Variants in MEI4 observed in about 807,000 individuals in gnomAD.
MEI4 encodes the protein meiosis-specific protein MEI4.
A neutral mutation model predicts 31.4 loss-of-function variants in MEI4; 27 were observed. That is an observed-to-expected ratio of 0.86 (90% CI 0.63 to 1.19). The LOEUF is 1.19. Ranked by LOEUF, MEI4 falls within the 50% of genes most tolerant of loss-of-function variation. MEI4 has a pLI of 0.00. For synonymous variants in MEI4, 122 were observed against 145.4 expected (o/e 0.84, Z 1.16); for missense variants, 329 against 398.9 (o/e 0.82, Z 1.49).
chr6:77,668,462 A>G (rs1239821592), intron 1 of MEI4, among the ~76,000 whole-genome samples: 2 of 152,160 alleles, frequency 1.3e-5, no homozygotes, highest in African/African-American at 2.4e-5. Flanking sequence ...TATTTCTTCT[A>G]GTGGAAAGCT....
At chr6:77,788,041 T>G (rs1768795881) in intron 3 of MEI4, among the ~76,000 whole-genome samples, 1 of 152,168 alleles carries the variant, frequency 6.6e-6, no homozygotes, top group African/African-American at 2.4e-5. Flanking sequence ...GGATTCCCTC[T>G]TTTTCTATTG....
chr6:77,658,143 C>T (rs1013304268), intron 1 of MEI4, among the ~76,000 whole-genome samples: 2 of 152,098 alleles, frequency 1.3e-5, no homozygotes, highest in Admixed American at 6.5e-5. Context: ...GGTGGATTAT[C>T]GTTAGTTCTT....
intron 2 of MEI4, among the ~76,000 whole-genome samples, chr6:77,703,958 G>A (rs751491870): frequency 5.9e-5 from 9 of 152,190 alleles, no homozygotes; most frequent in Middle Eastern, 3.4e-3. Context: ...GAGTGCAAAT[G>A]GAAGGACAGC....
At position 77,767,388 on chromosome 6, in the gene MEI4, GAATA is replaced by G. The variant is rs550095694; in HGVS notation, c.768+5745_768+5748del. ...AGACTCCCTCAATAAATAAATAAAT[GAATA>G]AATAAATAAATAAATAAATAAGTCA... On this transcript the variant is annotated intron_variant, in intron 3 of 4. Transcript: ENST00000684080. Among the ~76,000 whole-genome samples, 257 of 148,932 alleles carry G rather than the reference GAATA, an allele frequency of 1.7e-3. 1 individual carries two copies. The highest frequency in any genetic ancestry group is 4.8e-3 in the African/African-American group (194 of 40,418).
intron 3 of MEI4, among the ~76,000 whole-genome samples, chr6:77,775,553 T>G (rs1768418643): frequency 6.6e-6 from 1 of 152,034 alleles, no homozygotes; most frequent in African/African-American, 2.4e-5. Flanking sequence ...CATGGTATAT[T>G]TATATACCAC....
At chr6:77,677,710 C>T (rs900773751) in intron 1 of MEI4, among the ~76,000 whole-genome samples, 3 of 152,016 alleles carry the variant, frequency 2.0e-5, no homozygotes, top group Non-Finnish European at 4.4e-5. Context: ...AGATCTGGGC[C>T]GTGAGCCTAT....
intron 4 of MEI4, among the ~76,000 whole-genome samples, chr6:77,904,158 T>G (rs1766243455): frequency 6.6e-6 from 1 of 152,152 alleles, no homozygotes; most frequent in African/African-American, 2.4e-5. Flanking sequence ...TACTTATTTT[T>G]CCCTAGTGTT....
intron 2 of MEI4, among the ~76,000 whole-genome samples, chr6:77,734,227 T>A (rs1767108001): frequency 6.6e-6 from 1 of 152,010 alleles, no homozygotes; most frequent in East Asian, 1.9e-4. Context: ...GACAGTGCGG[T>A]GTTAACATCT....
At chr6:77,747,047 C>T (rs1419045660) in intron 2 of MEI4, among the ~76,000 whole-genome samples, 2 of 152,118 alleles carry the variant, frequency 1.3e-5, no homozygotes, top group East Asian at 3.9e-4. Context: ...TGCGGTGGCT[C>T]ATGTCTGTAA....
chr6:77,668,290 CTT>C (rs538866977), intron 1 of MEI4, among the ~76,000 whole-genome samples: 4 of 152,174 alleles, frequency 2.6e-5, no homozygotes, highest in Non-Finnish European at 4.4e-5. Context: ...ACATTATACT[CTT>C]TTGCCTTCTA....
chr6:77,664,900 G>T (rs181617642), intron 1 of MEI4, among the ~76,000 whole-genome samples: 406 of 152,222 alleles, frequency 2.7e-3, no homozygotes, highest in African/African-American at 9.4e-3. Context: ...AAGCGGCATT[G>T]CAGAAGAAAA....
intron 2 of MEI4, among the ~76,000 whole-genome samples, chr6:77,705,994 T>C (rs1389517135): frequency 6.6e-6 from 1 of 152,166 alleles, no homozygotes; most frequent in Non-Finnish European, 1.5e-5. Flanking sequence ...TGCTTTGGTA[T>C]GCTGAGTACT....
At chr6:77,754,186 G>GCA (rs1463462426) in intron 2 of MEI4, among the ~76,000 whole-genome samples, 2 of 152,030 alleles carry the variant, frequency 1.3e-5, no homozygotes, top group East Asian at 3.9e-4. Context: ...AACCACCATG[G>GCA]CATGTGAATA....
At chr6:77,854,338 A>T (rs1258167893) in intron 4 of MEI4, among the ~76,000 whole-genome samples, 1 of 148,366 alleles carries the variant, frequency 6.7e-6, no homozygotes, top group Admixed American at 6.8e-5. Flanking sequence ...TAAAAAAAAC[A>T]AAACCAAAAC....
intron 4 of MEI4, among the ~76,000 whole-genome samples, chr6:77,903,649 G>A (rs564373254): frequency 6.6e-6 from 1 of 152,044 alleles, no homozygotes; most frequent in African/African-American, 2.4e-5. Context: ...TTTTACCATT[G>A]ATTATGATGT....
chr6:77,849,082 C>G (rs948857180), intron 4 of MEI4, among the ~76,000 whole-genome samples: 1 of 149,474 alleles, frequency 6.7e-6, no homozygotes, highest in Non-Finnish European at 1.5e-5. Flanking sequence ...TAGGGAAACA[C>G]AAAAGAAATA....
intron 4 of MEI4, among the ~76,000 whole-genome samples, chr6:77,914,034 G>GA (rs59888300): frequency 0.14 from 19,484 of 138,964 alleles, 1,671 homozygotes; most frequent in East Asian, 0.41. Context: ...ACTGTTTCAA[G>GA]AAAAAAAAAA....
At chr6:77,806,146 T>C (rs918020023) in intron 3 of MEI4, among the ~76,000 whole-genome samples, 1 of 152,154 alleles carries the variant, frequency 6.6e-6, no homozygotes, top group African/African-American at 2.4e-5. Context: ...AGCATGTACA[T>C]AAAGTGCATA....
chr6:77,718,767 G>T (rs1316743495), intron 2 of MEI4, among the ~76,000 whole-genome samples: 6 of 143,500 alleles, frequency 4.2e-5, no homozygotes, highest in Admixed American at 1.4e-4. Flanking sequence ...TGGGAGTCTG[G>T]TTTAATAACT....
Sources: gnomAD v4.1 joint callset for allele counts (sites outside exome capture counted in the v4.1 genomes callset) on GRCh38, gnomAD v4.1.1 for gene constraint, MANE v1.5 for transcripts, NCBI Gene and HGNC (gene_info 2026-07-23, HGNC 2026-07-21) for gene names.